PDZK1: variants seen among roughly 807,000 people sequenced by gnomAD.
PDZK1 encodes the protein PDZ domain containing 1, also known as Na(+)/H(+) exchange regulatory cofactor NHE-RF3.
PDZK1 carries 23 observed loss-of-function variants against 38.1 expected under a neutral mutation model. That is an observed-to-expected ratio of 0.60 (90% CI 0.43 to 0.85). The LOEUF is 0.85. Among genes scored for constraint, PDZK1 ranks in the 40% least tolerant of loss-of-function variants. PDZK1 has a pLI of 0.00. For missense variants in PDZK1, 297 were observed against 504.3 expected (o/e 0.59, Z 3.94); for synonymous variants, 98 against 186.2 (o/e 0.53, Z 3.86).
At chr1:145,676,510 C>T (rs1300622187) in intron 6 of PDZK1, among the ~76,000 whole-genome samples, 1 of 150,386 alleles carries the variant, frequency 6.6e-6, no homozygotes, top group Non-Finnish European at 1.5e-5. Flanking sequence ...CCGAGGCGGG[C>T]GGATCACAAG....
At chr1:145,679,431 A>C (rs1177034166) in intron 5 of PDZK1, among the ~76,000 whole-genome samples, 1 of 152,008 alleles carries the variant, frequency 6.6e-6, no homozygotes, top group African/African-American at 2.4e-5. Context: ...TGCTACCATA[A>C]TACCTTACAC....
At chr1:145,695,318 A>C (rs1439096115) in intron 1 of PDZK1, among the ~76,000 whole-genome samples, 3 of 152,072 alleles carry the variant, frequency 2.0e-5, no homozygotes, top group African/African-American at 7.2e-5. Flanking sequence ...GCTATTGAGG[A>C]GGCTGAGGCA....
chr1:145,680,392 A>C (rs1308521228), intron 5 of PDZK1, among the ~76,000 whole-genome samples: 1 of 152,122 alleles, frequency 6.6e-6, no homozygotes, highest in East Asian at 1.9e-4. Flanking sequence ...CCTTCCCTGA[A>C]AGAACCTAGT....
chr1:145,705,478 C>T (rs1359215585), intron 1 of PDZK1, among the ~76,000 whole-genome samples: 4 of 152,046 alleles, frequency 2.6e-5, no homozygotes, highest in African/African-American at 9.7e-5. Context: ...AAAGTCCTTC[C>T]TGGGAGGTGA....
At chr1:145,672,669 A>C (rs1571566139) in intron 8 of PDZK1, 61 bp downstream of exon 8, 1 of 1,597,678 alleles carries the variant, frequency 6.3e-7, no homozygotes, top group Non-Finnish European at 8.6e-7. Flanking sequence ...AAATATACTC[A>C]TAGGGACTGT....
intron 1 of PDZK1, among the ~76,000 whole-genome samples, chr1:145,699,394 G>A (rs1011033853): frequency 6.6e-6 from 1 of 152,202 alleles, no homozygotes; most frequent in African/African-American, 2.4e-5. Flanking sequence ...TCCAGCCTCA[G>A]TGACACAGCA....
chr1:145,688,083 A>AC, intron 1 of PDZK1, 60 bp from the exon 2 acceptor site: 1 of 1,368,990 alleles, frequency 7.3e-7, no homozygotes. Flanking sequence ...TGGAGTGAGA[A>AC]CCCCATCCTC....
At chr1:145,684,504 G>A (rs1439069528) in intron 3 of PDZK1, among the ~76,000 whole-genome samples, 15 of 152,040 alleles carry the variant, frequency 9.9e-5, no homozygotes, top group Admixed American at 1.3e-4. Context: ...CACTGCGCCC[G>A]GCCTGAGCTA....
chr1:145,672,316 A>G (rs1553698088), intron 8 of PDZK1, among the ~76,000 whole-genome samples: 1 of 151,452 alleles, frequency 6.6e-6, no homozygotes, highest in Non-Finnish European at 1.5e-5. Flanking sequence ...CTTAGTTAAC[A>G]TGATCCTGAT....
intron 5 of PDZK1, among the ~76,000 whole-genome samples, chr1:145,680,471 G>A (rs1487957281): frequency 2.1e-4 from 32 of 151,888 alleles, no homozygotes; most frequent in Non-Finnish European, 3.7e-4. Flanking sequence ...CCCACACCTC[G>A]GCCTCAGGTC....
At chr1:145,681,987 TAGTG>T (rs1479688298) in intron 4 of PDZK1, among the ~76,000 whole-genome samples, 3 of 79,706 alleles carry the variant, frequency 3.8e-5, no homozygotes, top group African/African-American at 5.9e-5. Flanking sequence ...CTGGCCAACA[TAGTG>T]AGACCCTATC....
rs1409895607 is a variant in PDZK1 at position 145,699,539 on chromosome 1, T to C, written c.-3+7778A>G. On this transcript the variant is annotated intron_variant, in intron 1 of 8. Transcript: ENST00000417171. ...GATAAGAGGAGCTAGGAGTTTGGGA[T>C]TGGGAAGATGAAATGTTTCAGGGAC... 3.9e-5 allele frequency among the ~76,000 whole-genome samples: 6 copies of C among 152,098 alleles called. No individual in the cohort carries two copies. The East Asian group carries it at 9.6e-4, about 24-fold the overall frequency.
At chr1:145,690,327 T>C (rs1261518833) in intron 1 of PDZK1, among the ~76,000 whole-genome samples, 1 of 151,954 alleles carries the variant, frequency 6.6e-6, no homozygotes, top group East Asian at 1.9e-4. Context: ...TTCCATTTCA[T>C]AGGGCCAAAA....
intron 1 of PDZK1, among the ~76,000 whole-genome samples, chr1:145,699,390 C>CCT (rs1170122043): frequency 9.2e-5 from 14 of 152,270 alleles, no homozygotes; most frequent in Non-Finnish European, 1.9e-4. Flanking sequence ...TCACTCCAGC[C>CCT]TCAGTGACAC....
At chr1:145,683,845 C>CT (rs781826650) in intron 3 of PDZK1, among the ~76,000 whole-genome samples, 2,347 of 138,040 alleles carry the variant, frequency 0.017, 27 homozygotes, top group Non-Finnish European at 0.022. Context: ...ACTTTACAGC[C>CT]TTTTTTTTTT....
At chr1:145,695,499 C>G (rs61149300) in intron 1 of PDZK1, among the ~76,000 whole-genome samples, 8,926 of 151,844 alleles carry the variant, frequency 0.059, 861 homozygotes, top group African/African-American at 0.2. Context: ...GCTTGGGTGT[C>G]GTCAAGGAAG....
chr1:145,696,967 G>C (rs782069999), intron 1 of PDZK1, among the ~76,000 whole-genome samples: 6 of 152,152 alleles, frequency 3.9e-5, no homozygotes, highest in Non-Finnish European at 8.8e-5. Flanking sequence ...CCATCAATGA[G>C]ATTACAAAAA....
At position 145,682,051 on chromosome 1, in the gene PDZK1, CAT is replaced by C. The variant is rs1491068807; in HGVS notation, c.597+447_597+448del. Among the ~76,000 whole-genome samples the C allele has an allele frequency of 3.0e-4, 39 of 130,276 alleles. No homozygotes were observed. The Middle Eastern group carries it at 0.011, about 37-fold the overall frequency. The allele number at this position is 130,276 out of a possible 152,430, so 85.5% of individuals were successfully genotyped here. On this transcript the variant is annotated intron_variant, in intron 4 of 8. Transcript: ENST00000417171. ...ACACACACACACACACACACACACA[CAT>C]AAAAATTAGCCAGGTGCGGTGGTGC...
intron 3 of PDZK1, among the ~76,000 whole-genome samples, chr1:145,684,247 C>T (rs1553701167): frequency 3.4e-5 from 4 of 118,824 alleles, no homozygotes; most frequent in African/African-American, 3.2e-5. Flanking sequence ...CTTGCTTTAT[C>T]GCCCAGCCTG....
Sources: gnomAD v4.1 joint callset for allele counts (sites outside exome capture counted in the v4.1 genomes callset) on GRCh38, gnomAD v4.1.1 for gene constraint, MANE v1.5 for transcripts, NCBI Gene and HGNC (gene_info 2026-07-23, HGNC 2026-07-21) for gene names.